Variants in TNFAIP8L1 observed in about 807,000 individuals in gnomAD.
TNFAIP8L1 encodes the protein tumor necrosis factor alpha-induced protein 8-like protein 1.
For synonymous variants in TNFAIP8L1, 127 were observed against 125.6 expected (o/e 1.01, Z -0.08); for missense variants, 225 against 266.1 (o/e 0.85, Z 1.08).
Position 4,652,274 on chromosome 19 carries a change from G to A in TNFAIP8L1, c.405G>A (p.Leu135=), listed in dbSNP as rs2088375058. The A allele has an allele frequency of 1.9e-6, 3 of 1,565,096 alleles. No individual in the cohort carries two copies. Among genetic ancestry groups the A allele is most frequent in the Non-Finnish European group, 1.7e-6 (2 of 1,158,638 alleles). The change falls in exon 2 of 2, where the codon CTG becomes CTA. Residue 135 remains leucine, a synonymous_variant. Transcript: ENST00000327473. Reference sequence around the variant, plus strand: ...TGCACCAGGCCGTGGGTCCCCACCTGACCGCCAAGTCCCACGGCCGCATCA... The same window carrying A: ...TGCACCAGGCCGTGGGTCCCCACCTAACCGCCAAGTCCCACGGCCGCATCA... ...DLLHQAVGPH[L]TAKSHGRINH...
chr19:4,648,870 TG>T (rs2145170713), intron 1 of TNFAIP8L1, among the ~76,000 whole-genome samples: 1 of 151,396 alleles, frequency 6.6e-6, no homozygotes, highest in African/African-American at 2.4e-5. Context: ...ATCTATGAAC[TG>T]GGGAGGCTGG....
At position 4,652,311 on chromosome 19, in the gene TNFAIP8L1, G is replaced by A. The variant is rs376296732; in HGVS notation, c.442G>A (p.Gly148Ser). ...CCACGGCCGCATCAACCACGTGTTC[G>A]GCCACCTAGCCGACTGCGACTTCCT... ...KSHGRINHVF[G>S]HLADCDFLAA... The change falls in exon 2 of 2, where the codon GGC (glycine) becomes AGC (serine). Residue 148 changes from glycine (G) to serine (S), a missense_variant. Coordinates refer to ENST00000327473, the MANE Select transcript of TNFAIP8L1 (RefSeq NM_152362.3). 8.3e-6 allele frequency: 13 copies of A among 1,560,534 alleles called. No homozygotes were observed. The highest frequency in any genetic ancestry group is 8.2e-5 in the African/African-American group (6 of 73,432).
chr19:4,644,885 G>A (rs940247086), intron 1 of TNFAIP8L1, among the ~76,000 whole-genome samples: 5 of 152,132 alleles, frequency 3.3e-5, no homozygotes, highest in African/African-American at 1.2e-4. Context: ...ACAGGCATGA[G>A]CCACCACGCC....
chr19:4,645,503 A>G lies in TNFAIP8L1; in HGVS notation c.-4+5874A>G, dbSNP rs2088302246. 6.6e-6 allele frequency among the ~76,000 whole-genome samples: 1 copy of G among 152,084 alleles called. No homozygotes were observed. The highest frequency in any genetic ancestry group is 1.5e-5 in the Non-Finnish European group (1 of 67,990). ...AGGCTGAGGCAGGAGAATCGCTTGA[A>G]TCCGGGAGGCAGAGGTTGCAGTGAG... On this transcript the variant is annotated intron_variant, in intron 1 of 1. Coordinates refer to ENST00000327473, the MANE Select transcript of TNFAIP8L1 (RefSeq NM_152362.3). The surrounding 1 kb of genome is among the most constrained non-coding windows in gnomAD (Gnocchi z 4.1).
At chr19:4,642,063 A>G (rs1379293379) in intron 1 of TNFAIP8L1, 1 of 152,236 alleles carries the variant, frequency 6.6e-6, no homozygotes, top group Non-Finnish European at 1.5e-5. Flanking sequence ...CTGTAGTCCC[A>G]GCCACTCTGG....
In TNFAIP8L1 at chr19:4,653,600, C is replaced by G. The variant is rs547754702; in HGVS notation, c.*1170C>G. 7 of 151,424 alleles carry G rather than the reference C, an allele frequency of 4.6e-5. No homozygotes were observed. In the East Asian group the frequency reaches 1.4e-3, roughly 30 times the overall value. The allele number at this position is 151,424 out of a possible 1,614,324, so 9.4% of individuals were successfully genotyped here. A position where few individuals can be genotyped will look rare whatever the true frequency, so the allele number is the denominator to read the frequency against. On this transcript the variant is annotated 3_prime_UTR_variant, in exon 2 of 2. Coordinates refer to ENST00000327473, the MANE Select transcript of TNFAIP8L1 (RefSeq NM_152362.3). ...TGAAACCCCGTCTCTACTAAAAATA[C>G]AAAAATTAGCCGGGCATGGTGTTGC... is the stretch of plus-strand genomic sequence containing the variant.
rs1000104733 is a variant in TNFAIP8L1 at position 4,654,493 on chromosome 19, G to A, written c.*2063G>A. The A allele has an allele frequency of 5.3e-5, 8 of 152,074 alleles. No homozygotes were observed. The highest frequency in any genetic ancestry group is 1.4e-4 in the African/African-American group (6 of 41,388). The allele number at this position is 152,074 out of a possible 1,614,324, so 9.4% of individuals were successfully genotyped here. A position where few individuals can be genotyped will look rare whatever the true frequency, so the allele number is the denominator to read the frequency against. On this transcript the variant is annotated 3_prime_UTR_variant, in exon 2 of 2. Transcript: ENST00000327473. The stretch of plus-strand genomic sequence containing the variant: ...GGTAGCTGGGACTACAGGTGTGCAC[G>A]AGCACACCCGGCTAATCTTTGTATT...
rs2060065179 is a variant in TNFAIP8L1 at position 4,653,222 on chromosome 19, T to G, written c.*792T>G. 1 of 166,616 alleles carries G rather than the reference T, an allele frequency of 6.0e-6. No homozygotes were observed. The highest frequency in any genetic ancestry group is 2.1e-4 in the South Asian group (1 of 4,808). 10.3% of individuals were successfully genotyped at this position (166,616 alleles called of 1,614,324 possible). A position where few individuals can be genotyped will look rare whatever the true frequency, so the allele number is the denominator to read the frequency against. Reference sequence around the variant, plus strand: ...CGGGAGGCTGAGGCAGGATAATCACTTGAACCAGGAGGAGGAGGTTGCAGT... The same window carrying G: ...CGGGAGGCTGAGGCAGGATAATCACGTGAACCAGGAGGAGGAGGTTGCAGT... On this transcript the variant is annotated 3_prime_UTR_variant, in exon 2 of 2. Transcript: ENST00000327473.
At position 4,645,752 on chromosome 19, in the gene TNFAIP8L1, G is replaced by A. The variant is rs1365508836; in HGVS notation, c.-3-6115G>A. ...ATATAGGGAGCAGGGGAAGAGTCAAGGGAGCCAGGGAGTTGGTGCCTGGTC... is the reference window on the plus strand; with the variant it reads ...ATATAGGGAGCAGGGGAAGAGTCAAAGGAGCCAGGGAGTTGGTGCCTGGTC... On this transcript the variant is annotated intron_variant, in intron 1 of 1. Transcript: ENST00000327473. This position sits in a 1 kb window ranked among gnomAD's most constrained non-coding sequence, Gnocchi z 4.1. 6.6e-6 allele frequency among the ~76,000 whole-genome samples: 1 copy of A among 151,722 alleles called. No individual in the cohort carries two copies. The highest frequency in any genetic ancestry group is 1.5e-5 in the Non-Finnish European group (1 of 67,900).
chr19:4,642,347 G>C (rs568106740), intron 1 of TNFAIP8L1: 2 of 152,086 alleles, frequency 1.3e-5, no homozygotes, highest in African/African-American at 4.8e-5. Flanking sequence ...CGGGCGTGGT[G>C]GTGGGTGCCT....
At chr19:4,649,775 G>A (rs1276893096) in intron 1 of TNFAIP8L1, among the ~76,000 whole-genome samples, 10 of 152,260 alleles carry the variant, frequency 6.6e-5, no homozygotes, top group Non-Finnish European at 1.2e-4. Context: ...TCTGGCCTAG[G>A]CCTGTGCAGA....
Position 4,652,527 on chromosome 19 carries a change from A to T in TNFAIP8L1, c.*97A>T, listed in dbSNP as rs1397161009. On this transcript the variant is annotated 3_prime_UTR_variant, in exon 2 of 2. Coordinates refer to ENST00000327473, the MANE Select transcript of TNFAIP8L1 (RefSeq NM_152362.3). ...GGTTTTTTTCCACCTCTTTTCTCCC[A>T]ATCGGACTCCGGCCAAACTCCCCTA... is the stretch of plus-strand genomic sequence containing the variant. 32 of 1,260,680 alleles carry T rather than the reference A, an allele frequency of 2.5e-5. 1 individual carries two copies. The Admixed American group carries it at 2.9e-4, about 11-fold the overall frequency. 78.1% of individuals were successfully genotyped at this position (1,260,680 alleles called of 1,614,324 possible).
At chr19:4,650,910 G>A (rs1277724719) in intron 1 of TNFAIP8L1, among the ~76,000 whole-genome samples, 1 of 152,198 alleles carries the variant, frequency 6.6e-6, no homozygotes, top group Non-Finnish European at 1.5e-5. Context: ...CGTGAGCCCA[G>A]GAGGCGGAGC....
intron 1 of TNFAIP8L1, among the ~76,000 whole-genome samples, chr19:4,644,216 C>T (rs1463617333): frequency 1.3e-5 from 2 of 148,892 alleles, no homozygotes; most frequent in East Asian, 4.0e-4. Flanking sequence ...AGTGAAACTC[C>T]GTCTCAAAAA....
intron 1 of TNFAIP8L1, among the ~76,000 whole-genome samples, chr19:4,647,326 G>GT (rs971671203): frequency 3.3e-5 from 5 of 151,902 alleles, no homozygotes; most frequent in Middle Eastern, 3.4e-3. Flanking sequence ...TTTGTTTTTT[G>GT]TTTTTTGTGA....
intron 1 of TNFAIP8L1, among the ~76,000 whole-genome samples, chr19:4,647,239 C>T (rs578024633): frequency 1.1e-4 from 17 of 152,288 alleles, no homozygotes; most frequent in African/African-American, 3.6e-4. Context: ...GGGTAGATCC[C>T]CCAAAGTGGA....
In TNFAIP8L1 at chr19:4,654,957, G is replaced by A. The variant is rs2088409943; in HGVS notation, c.*2527G>A. ...GTAGAGGTTGCGGCAGGGGCCTGTGGGCCTTACTTGGTGAGAAGGTAGGTC... is the reference window on the plus strand; with the variant it reads ...GTAGAGGTTGCGGCAGGGGCCTGTGAGCCTTACTTGGTGAGAAGGTAGGTC... On this transcript the variant is annotated 3_prime_UTR_variant, in exon 2 of 2. Coordinates refer to ENST00000327473, the MANE Select transcript of TNFAIP8L1 (RefSeq NM_152362.3). 6.6e-6 allele frequency: 1 copy of A among 152,176 alleles called. No homozygotes were observed. Among genetic ancestry groups the A allele is most frequent in the African/African-American group, 2.4e-5 (1 of 41,434 alleles). 9.4% of individuals were successfully genotyped at this position (152,176 alleles called of 1,614,324 possible).
chr19:4,651,017 T>G (rs1240139516), intron 1 of TNFAIP8L1, among the ~76,000 whole-genome samples: 1 of 151,436 alleles, frequency 6.6e-6, no homozygotes, highest in Non-Finnish European at 1.5e-5. Flanking sequence ...ATAAAATAAA[T>G]AAATAATAAA....
chr19:4,652,574 C>T lies in TNFAIP8L1; in HGVS notation c.*144C>T, dbSNP rs1017365652. 8.4e-5 allele frequency: 65 copies of T among 775,240 alleles called. No homozygotes were observed. The highest frequency in any genetic ancestry group is 4.0e-4 in the Middle Eastern group (1 of 2,526). The allele number at this position is 775,240 out of a possible 1,614,324, so 48.0% of individuals were successfully genotyped here. On this transcript the variant is annotated 3_prime_UTR_variant, in exon 2 of 2. Coordinates refer to ENST00000327473, the MANE Select transcript of TNFAIP8L1 (RefSeq NM_152362.3). Reference sequence around the variant, plus strand: ...CCTAGACAGATGGGTGACCTGTCTCCTTTGAGAGGATGCTGAGGCATCTGT... The same window carrying T: ...CCTAGACAGATGGGTGACCTGTCTCTTTTGAGAGGATGCTGAGGCATCTGT...
Sources: gnomAD v4.1 joint callset for allele counts (sites outside exome capture counted in the v4.1 genomes callset) on GRCh38, gnomAD v4.1.1 for gene constraint, Gnocchi (gnomAD v3.1) non-coding constraint, MANE v1.5 for transcripts, NCBI Gene and HGNC (gene_info 2026-07-23, HGNC 2026-07-21) for gene names.